FAM184B: variants seen among roughly 807,000 people sequenced by gnomAD.
FAM184B encodes family with sequence similarity 184 member B.
FAM184B carries 111 observed loss-of-function variants against 135.9 expected under a neutral mutation model. The ratio of observed to expected loss-of-function variants is 0.82; its 90% CI spans 0.70 to 0.96. The LOEUF is 0.96. FAM184B is among the 40% of genes least tolerant of loss of function. The probability of loss-of-function intolerance (pLI) is 0.00; values close to 1 mark genes in which losing one functional copy is unlikely to be tolerated. For synonymous variants in FAM184B, 552 were observed against 524.8 expected, an observed-to-expected ratio of 1.05 and a Z score of -0.71; for missense variants, 1,375 against 1,323.9, an observed-to-expected ratio of 1.04 and a Z score of -0.60.
At position 17,708,973 on chromosome 4, in the gene FAM184B, C is replaced by T. The variant is rs1717184028; in HGVS notation, c.813G>A (p.Lys271=). 6.4e-7 allele frequency: 1 copy of T among 1,550,736 alleles called. No individual in the cohort carries two copies. The highest frequency in any genetic ancestry group is 2.4e-5 in the East Asian group (1 of 40,866). The part of the protein sequence containing the change: ...QESALQAQVR[K]LEGDLEHRGR... ...CTCTGTGCTCCAGGTCTCCTTCCAG[C>T]TTCCGGACCTGAGCCTGCAGGGCTG... is the stretch of plus-strand genomic sequence containing the variant. Residue 271 remains lysine (K), a synonymous_variant, in exon 2 of 18, where the codon AAG becomes AAA. Coordinates refer to ENST00000265018, the MANE Select transcript of FAM184B (RefSeq NM_015688.2).
At chr4:17,691,443 C>T (rs533373888) in intron 6 of FAM184B, among the ~76,000 whole-genome samples, 7 of 152,030 alleles carry the variant, frequency 4.6e-5, no homozygotes, top group East Asian at 1.9e-4. Flanking sequence ...CCCAGCACTT[C>T]GGGAGGCAGA....
At chr4:17,697,636 A>C (rs1481074060) in intron 5 of FAM184B, among the ~76,000 whole-genome samples, 1 of 152,250 alleles carries the variant, frequency 6.6e-6, no homozygotes, top group African/African-American at 2.4e-5. Flanking sequence ...CATCCATAGA[A>C]GCTTTTATTG....
In FAM184B at chr4:17,693,648, T is replaced by C. The variant is rs188863501; in HGVS notation, c.1378-236A>G. On this transcript the variant is annotated intron_variant, in intron 5 of 17. Coordinates refer to ENST00000265018, the MANE Select transcript of FAM184B (RefSeq NM_015688.2). ...GGCAAATTGTTGTCTTTAAGTTTTC[T>C]AGTGTCAAATAAAAAAATGCTCATT... Among the ~76,000 whole-genome samples, 39 of 152,332 alleles carry C rather than the reference T, an allele frequency of 2.6e-4. No homozygotes were observed. The East Asian group carries it at 5.0e-3, about 20-fold the overall frequency.
intron 1 of FAM184B, among the ~76,000 whole-genome samples, chr4:17,779,931 G>A (rs888032436): frequency 1.3e-5 from 2 of 152,176 alleles, no homozygotes; most frequent in African/African-American, 4.8e-5. Context: ...TACATGTTTT[G>A]GTTGATGTCA....
rs1465407790 is a variant in FAM184B at position 17,630,877 on chromosome 4, ATAC to A, written c.*1652_*1654del. The A allele has an allele frequency of 3.9e-5, 6 of 152,188 alleles. No homozygotes were observed. The highest frequency in any genetic ancestry group is 5.9e-5 in the Non-Finnish European group (4 of 68,036). 9.4% of individuals were successfully genotyped at this position (152,188 alleles called of 1,614,324 possible). On this transcript the variant is annotated 3_prime_UTR_variant, in exon 18 of 18. Coordinates refer to ENST00000265018, the MANE Select transcript of FAM184B (RefSeq NM_015688.2). ...AATTTTACCTTTCTGTGGAAAATCA[ATAC>A]AAGTCAACCATTTTTATTGCCCAGT...
chr4:17,669,378 T>C (rs969071518), intron 7 of FAM184B, among the ~76,000 whole-genome samples: 13 of 152,238 alleles, frequency 8.5e-5, no homozygotes, highest in African/African-American at 3.1e-4. Flanking sequence ...ATTCAGGTTC[T>C]GTATAAACCT....
At chr4:17,696,443 G>A (rs1248263624) in intron 5 of FAM184B, among the ~76,000 whole-genome samples, 3 of 152,206 alleles carry the variant, frequency 2.0e-5, no homozygotes, top group African/African-American at 4.8e-5. Context: ...AGAACCGGAC[G>A]GGACCAGGCA....
rs535366208 is a variant in FAM184B at position 17,639,616 on chromosome 4, CAGAA to C, written c.2520-224_2520-221del. On this transcript the variant is annotated intron_variant, in intron 13 of 17. Coordinates refer to ENST00000265018, the MANE Select transcript of FAM184B (RefSeq NM_015688.2). ...ACCCCTTCTCAGCACCCTCCCATCT[CAGAA>C]GGAGAAACCTGAGCATGGGGACAGA... Among the ~76,000 whole-genome samples, 484 of 152,252 alleles carry C rather than the reference CAGAA, an allele frequency of 3.2e-3. 3 individuals are homozygous for C. The highest frequency in any genetic ancestry group is 0.011 in the African/African-American group (455 of 41,542).
chr4:17,721,790 A>G (rs1454218474), intron 1 of FAM184B, among the ~76,000 whole-genome samples: 3 of 152,114 alleles, frequency 2.0e-5, no homozygotes, highest in Non-Finnish European at 4.4e-5. Context: ...AGTCTGGGGG[A>G]GGTCCCGAGA....
intron 1 of FAM184B, among the ~76,000 whole-genome samples, chr4:17,741,554 C>G (rs918582758): frequency 1.3e-5 from 2 of 152,036 alleles, no homozygotes; most frequent in African/African-American, 4.8e-5. Context: ...AGTAGCTGGG[C>G]GTGGTGGCGC....
chr4:17,641,997 G>A (rs28501187), intron 13 of FAM184B, 59 bp downstream of exon 13: 865,286 of 1,461,804 alleles, frequency 0.59, 263,990 homozygotes, highest in East Asian at 0.91. Flanking sequence ...TAGGGGGAGG[G>A]GGGGTGGCGG....
At chr4:17,730,279 C>A (rs550227221) in intron 1 of FAM184B, among the ~76,000 whole-genome samples, 33 of 152,282 alleles carry the variant, frequency 2.2e-4, no homozygotes, top group African/African-American at 6.5e-4. Flanking sequence ...AAGGCCAAAT[C>A]TACATCTGAT....
chr4:17,779,000 A>C (rs185074662), intron 1 of FAM184B, among the ~76,000 whole-genome samples: 1 of 152,252 alleles, frequency 6.6e-6, no homozygotes, highest in South Asian at 2.1e-4. Flanking sequence ...TAGCAAAAAA[A>C]TCAGAGTTAA....
At chr4:17,770,249 A>G (rs1233053322) in intron 1 of FAM184B, among the ~76,000 whole-genome samples, 1 of 152,258 alleles carries the variant, frequency 6.6e-6, no homozygotes, top group Non-Finnish European at 1.5e-5. Flanking sequence ...GTTTATATTT[A>G]AAAGATAATT....
chr4:17,651,928 G>C (rs1274524321), intron 11 of FAM184B, among the ~76,000 whole-genome samples: 1 of 152,154 alleles, frequency 6.6e-6, no homozygotes, highest in Non-Finnish European at 1.5e-5. Context: ...GGGGCAGGCA[G>C]AGGAAGCAGA....
rs939109723 is a variant in FAM184B, at chr4:17,730,600, G to A, written c.142-20956C>T. Reference sequence around the variant, plus strand: ...AACTCTACAAGCCAGAAGAGAGTGGGGGCCAATATTCAACATTCTTAAAGA... The same window carrying A: ...AACTCTACAAGCCAGAAGAGAGTGGAGGCCAATATTCAACATTCTTAAAGA... On this transcript the variant is annotated intron_variant, in intron 1 of 17. Transcript: ENST00000265018. Among the ~76,000 whole-genome samples, 15 of 152,180 alleles carry A rather than the reference G, an allele frequency of 9.9e-5. 1 individual carries two copies. The South Asian group carries it at 2.1e-3, about 21-fold the overall frequency.
At chr4:17,668,783 G>A (rs554217327) in intron 7 of FAM184B, among the ~76,000 whole-genome samples, 3 of 152,294 alleles carry the variant, frequency 2.0e-5, no homozygotes, top group Non-Finnish European at 4.4e-5. Context: ...TGATCCACCT[G>A]CCTTGGCCTC....
chr4:17,767,918 A>G (rs1399888161), intron 1 of FAM184B, among the ~76,000 whole-genome samples: 1 of 152,176 alleles, frequency 6.6e-6, no homozygotes, highest in East Asian at 1.9e-4. Flanking sequence ...AGGGGTTTCA[A>G]ACTTTTTCTG....
intron 5 of FAM184B, among the ~76,000 whole-genome samples, chr4:17,699,787 G>A (rs1300105929): frequency 6.6e-6 from 1 of 152,070 alleles, no homozygotes; most frequent in Non-Finnish European, 1.5e-5. Flanking sequence ...ATGGGAAAAT[G>A]ACCCTTTTTT....
Sources: gnomAD v4.1 joint callset for allele counts (sites outside exome capture counted in the v4.1 genomes callset) on GRCh38, gnomAD v4.1.1 for gene constraint, MANE v1.5 for transcripts, NCBI Gene and HGNC (gene_info 2026-07-23, HGNC 2026-07-21) for gene names.